Variants in ISX observed in about 807,000 individuals in gnomAD.
ISX encodes the protein intestine-specific homeobox.
In ISX, 15 loss-of-function variants were observed where a neutral mutation model predicts 16.9. The observed-to-expected ratio is 0.89, with a 90% CI of 0.59 to 1.36. The LOEUF (loss-of-function observed/expected upper bound fraction) is 1.36, where lower values mean the gene tolerates loss of function less well. Ranked by LOEUF, ISX falls within the 40% of genes most tolerant of loss-of-function variation. The pLI, the probability that ISX is intolerant of heterozygous loss-of-function variation, is 0.00. For missense variants in ISX, 316 were observed against 306.1 expected, an observed-to-expected ratio of 1.03 and a Z score of -0.24; for synonymous variants, 125 against 119.7, an observed-to-expected ratio of 1.04 and a Z score of -0.29.
At chr22:35,082,184 A>G (rs1929136416) in intron 2 of ISX, among the ~76,000 whole-genome samples, 1 of 152,280 alleles carries the variant, frequency 6.6e-6, no homozygotes, top group South Asian at 2.1e-4. Flanking sequence ...ATTTAAAGAC[A>G]GACAGTGGGC....
In ISX at chr22:35,085,485, G is replaced by A; in HGVS notation, c.530G>A (p.Arg177Lys). The A allele has an allele frequency of 6.2e-7, 1 of 1,614,222 alleles. No homozygotes were observed. The highest frequency in any genetic ancestry group is 1.7e-5 in the Admixed American group (1 of 60,026). The change falls in exon 5 of 5, where the codon AGG becomes AAG. Residue 177 changes from arginine (R) to lysine (K), a missense_variant. Arg to Lys is a conservative substitution (Grantham distance 26, BLOSUM62 2). Transcript: ENST00000404699. ...GPTWTSTALR[R>K]LAPPTSCCPS... ...ACGTGGACATCCACTGCTCTGCGCA[G>A]GCTGGCTCCTCCCACGAGCTGTTGT... is the stretch of plus-strand genomic sequence containing the variant.
rs1244910264 is a variant in ISX at position 35,070,775 on chromosome 22, A to T, written c.229+3459A>T. ...GCCTTCTGCCCATCTTGTCTGATGGAGCTGGCCAGGGGCATGGTAGAATTC... is the reference window on the plus strand; with the variant it reads ...GCCTTCTGCCCATCTTGTCTGATGGTGCTGGCCAGGGGCATGGTAGAATTC... On this transcript the variant is annotated intron_variant, in intron 2 of 4. Transcript: ENST00000404699. Among the ~76,000 whole-genome samples, 3 of 152,326 alleles carry T rather than the reference A, an allele frequency of 2.0e-5. No individual in the cohort carries two copies. In the East Asian group the frequency reaches 5.8e-4, roughly 29 times the overall value.
chr22:35,071,544 G>C (rs1263649363), intron 2 of ISX, among the ~76,000 whole-genome samples: 1 of 152,140 alleles, frequency 6.6e-6, no homozygotes, highest in Non-Finnish European at 1.5e-5. Flanking sequence ...GTGTTTGTGT[G>C]TAATGTCCCT....
At position 35,085,436 on chromosome 22, in the gene ISX, G is replaced by T; in HGVS notation, c.499-18G>T. On this transcript the variant is annotated intron_variant, in intron 4 of 4. Coordinates refer to ENST00000404699, the MANE Select transcript of ISX (RefSeq NM_001303508.2). ...AGCTTAGGACTCACTTCTCTCTCCT[G>T]ACCTCTCCTTGTGACAGGGGCCCAC... 2 of 1,614,134 alleles carry T rather than the reference G, an allele frequency of 1.2e-6. No homozygotes were observed. Among genetic ancestry groups the T allele is most frequent in the Non-Finnish European group, 1.7e-6 (2 of 1,179,992 alleles).
chr22:35,083,457 A>G (rs1278858125), intron 3 of ISX, among the ~76,000 whole-genome samples: 2 of 152,248 alleles, frequency 1.3e-5, no homozygotes, highest in Non-Finnish European at 1.5e-5. Flanking sequence ...TGCTTCATGC[A>G]GGATTAGAAA....
Position 35,085,808 on chromosome 22 carries a change from C to A in ISX, c.*115C>A. On this transcript the variant is annotated 3_prime_UTR_variant, in exon 5 of 5. Transcript: ENST00000404699. ...TTCACAATCCAAAAATGGCCCACAG[C>A]CCAGGAAGCTACCCTGAACATGCCA... 1.5e-6 allele frequency: 2 copies of A among 1,354,902 alleles called. No individual in the cohort carries two copies. Among genetic ancestry groups the A allele is most frequent in the African/African-American group, 1.4e-5 (1 of 70,012 alleles). The allele number at this position is 1,354,902 out of a possible 1,614,324, so 83.9% of individuals were successfully genotyped here. A position where few individuals can be genotyped will look rare whatever the true frequency, so the allele number is the denominator to read the frequency against.
chr22:35,078,914 C>T (rs914604653), intron 2 of ISX, among the ~76,000 whole-genome samples: 1 of 152,144 alleles, frequency 6.6e-6, no homozygotes, highest in Non-Finnish European at 1.5e-5. Context: ...GTGGATTTTG[C>T]CTTAGTGACC....
At chr22:35,078,782 G>C (rs1929054352) in intron 2 of ISX, among the ~76,000 whole-genome samples, 1 of 152,258 alleles carries the variant, frequency 6.6e-6, no homozygotes, top group Non-Finnish European at 1.5e-5. Flanking sequence ...TGGCTTCCCA[G>C]AGAGAAATCT....
intron 2 of ISX, among the ~76,000 whole-genome samples, chr22:35,071,014 T>C (rs1928837857): frequency 6.6e-6 from 1 of 152,186 alleles, no homozygotes; most frequent in African/African-American, 2.4e-5. Context: ...TCAGGCCAGA[T>C]TTGGCCCTCA....
rs1267983030 is a variant in ISX, at chr22:35,087,066, G to A, written c.*1373G>A. 1 of 152,208 alleles carries A rather than the reference G, an allele frequency of 6.6e-6. No homozygotes were observed. The highest frequency in any genetic ancestry group is 1.9e-4 in the East Asian group (1 of 5,198). The allele number at this position is 152,208 out of a possible 1,614,324, so 9.4% of individuals were successfully genotyped here. A position where few individuals can be genotyped will look rare whatever the true frequency, so the allele number is the denominator to read the frequency against. On this transcript the variant is annotated 3_prime_UTR_variant, in exon 5 of 5. Coordinates refer to ENST00000404699, the MANE Select transcript of ISX (RefSeq NM_001303508.2). ...GTGTAACCTTACCATTAATCTCTCT[G>A]GGTCTCAGTTTTCTCATCTGTATTG...
intron 4 of ISX, among the ~76,000 whole-genome samples, chr22:35,084,968 C>T (rs1929213742): frequency 6.6e-6 from 1 of 151,920 alleles, no homozygotes; most frequent in Admixed American, 6.6e-5. Flanking sequence ...GGAAGTGCTC[C>T]CTAAGTATTT....
At position 35,067,005 on chromosome 22, in the gene ISX, C is replaced by A; in HGVS notation, c.-83C>A. On this transcript the variant is annotated 5_prime_UTR_variant, in exon 2 of 5. Transcript: ENST00000404699. ...TCTTCACCTCCACGCGCCCTCTTGACCCCAGGAGGTTCAGGGGAGGAAGTA... is the reference window on the plus strand; with the variant it reads ...TCTTCACCTCCACGCGCCCTCTTGAACCCAGGAGGTTCAGGGGAGGAAGTA... The A allele has an allele frequency of 2.9e-6, 3 of 1,028,170 alleles. No individual in the cohort carries two copies. The highest frequency in any genetic ancestry group is 1.5e-5 in the South Asian group (1 of 65,556). The allele number at this position is 1,028,170 out of a possible 1,614,324, so 63.7% of individuals were successfully genotyped here. A position where few individuals can be genotyped will look rare whatever the true frequency, so the allele number is the denominator to read the frequency against.
Position 35,085,547 on chromosome 22 carries a change from C to T in ISX, c.592C>T (p.Pro198Ser), listed in dbSNP as rs141032770. The change falls in exon 5 of 5, where the codon CCT becomes TCT. Residue 198 changes from proline to serine, a missense_variant. Coordinates refer to ENST00000404699, the MANE Select transcript of ISX (RefSeq NM_001303508.2). ...AGATCAGCTGGCCTCTGCCTGGTTC[C>T]CTGCCTGGATCACCCTCCTCCCAGC... ...AQDQLASAWFPAWITLLPAHP... is the reference protein window; with the variant it reads ...AQDQLASAWFSAWITLLPAHP... The T allele has an allele frequency of 2.5e-6, 4 of 1,614,234 alleles. No individual in the cohort carries two copies. The highest frequency in any genetic ancestry group is 2.5e-6 in the Non-Finnish European group (3 of 1,180,054).
intron 2 of ISX, among the ~76,000 whole-genome samples, chr22:35,071,390 A>T (rs1364464790): frequency 6.6e-6 from 1 of 152,242 alleles, no homozygotes; most frequent in East Asian, 1.9e-4. Context: ...GTATTGGCAG[A>T]GATAGCTCCT....
Position 35,085,697 on chromosome 22 carries a change from T to A in ISX, c.*4T>A. 1 of 1,614,184 alleles carries A rather than the reference T, an allele frequency of 6.2e-7. No homozygotes were observed. Among genetic ancestry groups the A allele is most frequent in the South Asian group, 1.1e-5 (1 of 91,080 alleles). ...CATCTGTGCTACTTCAACATAGAGA[T>A]TGGACATGCTCTCCCCAAATGAGCC... On this transcript the variant is annotated 3_prime_UTR_variant, in exon 5 of 5. Coordinates refer to ENST00000404699, the MANE Select transcript of ISX (RefSeq NM_001303508.2).
At chr22:35,077,610 C>T (rs1277090992) in intron 2 of ISX, among the ~76,000 whole-genome samples, 1 of 37,258 alleles carries the variant, frequency 2.7e-5, no homozygotes, top group East Asian at 2.9e-4. Context: ...ACAAGCACAA[C>T]ATCATCATCA....
At chr22:35,074,111 C>A (rs1601557701) in intron 2 of ISX, among the ~76,000 whole-genome samples, 2 of 152,352 alleles carry the variant, frequency 1.3e-5, no homozygotes, top group Non-Finnish European at 2.9e-5. Context: ...TTTCTCTCTG[C>A]ATGTGAGCTC....
At chr22:35,075,738 T>A (rs905683486) in intron 2 of ISX, among the ~76,000 whole-genome samples, 4 of 152,168 alleles carry the variant, frequency 2.6e-5, no homozygotes, top group Non-Finnish European at 4.4e-5. Flanking sequence ...GTATGGAAGA[T>A]GCAAGCTTCA....
At chr22:35,069,191 T>C (rs1002672968) in intron 2 of ISX, among the ~76,000 whole-genome samples, 1 of 152,240 alleles carries the variant, frequency 6.6e-6, no homozygotes, top group Non-Finnish European at 1.5e-5. Context: ...AGGTATTATT[T>C]TAAAATACAT....
Sources: allele counts gnomAD v4.1 joint callset (sites outside exome capture counted in the v4.1 genomes callset), GRCh38; gene constraint gnomAD v4.1.1; transcripts MANE v1.5; gene names NCBI Gene and HGNC (gene_info 2026-07-23, HGNC 2026-07-21).